Variants in SBF2 observed in about 807,000 individuals in gnomAD.
SBF2 encodes SET binding factor 2, also known as myotubularin-related protein 13.
In SBF2, 112 loss-of-function variants were observed where a neutral mutation model predicts 225.2. The observed-to-expected ratio is 0.50, with a 90% CI of 0.43 to 0.58. The LOEUF (loss-of-function observed/expected upper bound fraction) is 0.58, where lower values mean the gene tolerates loss of function less well. Ranked by LOEUF, SBF2 falls within the 20% of genes least tolerant of loss-of-function variation. SBF2 has a pLI of 0.00. For missense variants in SBF2, 1,996 were observed against 2,206.2 expected (o/e 0.90, Z 1.91); for synonymous variants, 763 against 773.3 (o/e 0.99, Z 0.22).
At chr11:10,228,936 C>A (rs1182057302) in intron 1 of SBF2, among the ~76,000 whole-genome samples, 2 of 152,106 alleles carry the variant, frequency 1.3e-5, no homozygotes. Flanking sequence ...GGCTGTGAAT[C>A]CATCTGGTCC....
At chr11:10,209,267 A>G (rs1957848862) in intron 1 of SBF2, among the ~76,000 whole-genome samples, 1 of 151,706 alleles carries the variant, frequency 6.6e-6, no homozygotes, top group Admixed American at 6.6e-5. Context: ...AATACAGTTT[A>G]AACATGTCCC....
rs11828320 is a variant in SBF2, at chr11:9,870,844, C to A, written c.1930-12448G>T. Among the ~76,000 whole-genome samples, 774 of 151,970 alleles carry A rather than the reference C, an allele frequency of 5.1e-3. 7 individuals carry two copies. The highest frequency in any genetic ancestry group is 0.018 in the African/African-American group (737 of 41,442). On this transcript the variant is annotated intron_variant, in intron 17 of 39. Transcript: ENST00000256190. ...CAAAAATTAGCTGGGTGTGGTGGCG[C>A]ACGCCTGTAGTCCCAGCTACTTGGG...
chr11:9,873,313 A>G (rs1858939978), intron 17 of SBF2, among the ~76,000 whole-genome samples: 1 of 152,160 alleles, frequency 6.6e-6, no homozygotes, highest in African/African-American at 2.4e-5. Flanking sequence ...ATTGGTTCAC[A>G]ACCACAAATG....
At chr11:10,158,844 T>C (rs1955588783) in intron 2 of SBF2, among the ~76,000 whole-genome samples, 1 of 152,220 alleles carries the variant, frequency 6.6e-6, no homozygotes, top group Non-Finnish European at 1.5e-5. Context: ...AATGGTTCAA[T>C]ATATGCAAAT....
At chr11:10,212,271 T>C (rs1957968152) in intron 1 of SBF2, among the ~76,000 whole-genome samples, 3 of 152,198 alleles carry the variant, frequency 2.0e-5, no homozygotes, top group Non-Finnish European at 4.4e-5. Context: ...AAAGCTCCAT[T>C]CCATGCCTGA....
chr11:10,180,147 T>A (rs1180469087), intron 2 of SBF2, among the ~76,000 whole-genome samples: 1 of 152,166 alleles, frequency 6.6e-6, no homozygotes, highest in Non-Finnish European at 1.5e-5. Flanking sequence ...CACATGACAG[T>A]TACAGTGTTA....
chr11:9,831,518 C>G (rs917904499), intron 27 of SBF2, among the ~76,000 whole-genome samples: 2 of 152,184 alleles, frequency 1.3e-5, no homozygotes, highest in African/African-American at 4.8e-5. Flanking sequence ...TACTTCATTT[C>G]CAAAGGTGGA....
intron 2 of SBF2, among the ~76,000 whole-genome samples, chr11:10,130,814 T>C (rs1954006701): frequency 6.6e-6 from 1 of 152,200 alleles, no homozygotes; most frequent in Non-Finnish European, 1.5e-5. Context: ...AGACTGATTT[T>C]TTTCACTTAC....
chr11:10,248,618 G>A (rs1960031455), intron 1 of SBF2, among the ~76,000 whole-genome samples: 1 of 152,092 alleles, frequency 6.6e-6, no homozygotes. Flanking sequence ...TGAAACTACT[G>A]AAAAAACAGT....
At chr11:10,108,861 C>T (rs916069702) in intron 2 of SBF2, among the ~76,000 whole-genome samples, 11 of 151,972 alleles carry the variant, frequency 7.2e-5, no homozygotes, top group Non-Finnish European at 1.0e-4. Flanking sequence ...TGTACCAGTA[C>T]GACAAACCAG....
chr11:9,859,908 G>T (rs1288754034), intron 17 of SBF2, among the ~76,000 whole-genome samples: 1 of 152,190 alleles, frequency 6.6e-6, no homozygotes. Flanking sequence ...CTGCTGCTGA[G>T]GTAACTGGCT....
At position 10,050,826 on chromosome 11, in the gene SBF2, C is replaced by T. The variant is rs144176899; in HGVS notation, c.142-7845G>A. Among the ~76,000 whole-genome samples, 581 of 152,272 alleles carry T rather than the reference C, an allele frequency of 3.8e-3. 4 individuals are homozygous for T. Among genetic ancestry groups the T allele is most frequent in the South Asian group, 5.2e-3 (25 of 4,830 alleles). ...CAGGTGGGATGGTGTGAGATTTCAT[C>T]ATACTACTCAGATGGTGCATAATTT... is the stretch of plus-strand genomic sequence containing the variant. On this transcript the variant is annotated intron_variant, in intron 2 of 39. Coordinates refer to ENST00000256190, the MANE Select transcript of SBF2 (RefSeq NM_030962.4).
At chr11:10,169,241 A>G (rs1253727539) in intron 2 of SBF2, among the ~76,000 whole-genome samples, 1 of 152,056 alleles carries the variant, frequency 6.6e-6, no homozygotes, top group African/African-American at 2.4e-5. Flanking sequence ...GACTGTAGTC[A>G]CCCTGTTGTG....
intron 2 of SBF2, among the ~76,000 whole-genome samples, chr11:10,099,758 G>A (rs890767623): frequency 1.4e-4 from 21 of 152,188 alleles, no homozygotes; most frequent in African/African-American, 4.8e-4. Context: ...AATTTAAGAT[G>A]TTATCAGTTT....
chr11:9,952,241 TAAATACACAAAC>T lies in SBF2; in HGVS notation c.1860+9704_1860+9715del, dbSNP rs1459643462. Among the ~76,000 whole-genome samples, 7 of 96,904 alleles carry T rather than the reference TAAATACACAAAC, an allele frequency of 7.2e-5. No individual in the cohort carries two copies. In the East Asian group the frequency reaches 2.2e-3, roughly 31 times the overall value. 63.6% of individuals were successfully genotyped at this position (96,904 alleles called of 152,430 possible). The stretch of plus-strand genomic sequence containing the variant: ...AATGACAGCCTCTCTCTCATAAAAA[TAAATACACAAAC>T]AAACAAACAAACAAACAAACAAACA... On this transcript the variant is annotated intron_variant, in intron 16 of 39. Coordinates refer to ENST00000256190, the MANE Select transcript of SBF2 (RefSeq NM_030962.4).
At chr11:10,202,688 T>C (rs1565350497) in intron 1 of SBF2, among the ~76,000 whole-genome samples, 1 of 152,098 alleles carries the variant, frequency 6.6e-6, no homozygotes, top group Non-Finnish European at 1.5e-5. Flanking sequence ...CTCCGGAGTC[T>C]GAGGCAGGAG....
rs1170756889 is a variant in SBF2, at chr11:10,185,307, G to GT, written c.141+8594dup. On this transcript the variant is annotated intron_variant, in intron 2 of 39. Coordinates refer to ENST00000256190, the MANE Select transcript of SBF2 (RefSeq NM_030962.4). ...AGAAGTGAAATTGTTAGGTCATATGGTAATTTTATTTTCAATTTTTTTTGA... is the reference window on the plus strand; with the variant it reads ...AGAAGTGAAATTGTTAGGTCATATGGTTAATTTTATTTTCAATTTTTTTTGA... Among the ~76,000 whole-genome samples, 3 of 152,202 alleles carry GT rather than the reference G, an allele frequency of 2.0e-5. No individual in the cohort carries two copies. The East Asian group carries it at 5.8e-4, about 29-fold the overall frequency.
intron 25 of SBF2, among the ~76,000 whole-genome samples, chr11:9,840,002 A>C (rs1856006458): frequency 1.3e-5 from 2 of 152,346 alleles, no homozygotes; most frequent in South Asian, 4.1e-4. Context: ...TGGGAGGCTG[A>C]GGTGGGCGGA....
chr11:9,959,175 T>C, intron 16 of SBF2: 1 of 815,502 alleles, frequency 1.2e-6, no homozygotes, highest in Non-Finnish European at 2.2e-6. Context: ...CCATGCTGAT[T>C]CCTTCACAGG....
Sources: gnomAD v4.1 joint callset for allele counts (sites outside exome capture counted in the v4.1 genomes callset) on GRCh38, gnomAD v4.1.1 for gene constraint, MANE v1.5 for transcripts, NCBI Gene and HGNC (gene_info 2026-07-23, HGNC 2026-07-21) for gene names.